Variants in GIPC2 observed in about 807,000 individuals in gnomAD.
GIPC2 encodes GIPC PDZ domain containing family member 2.
A neutral mutation model predicts 30.6 loss-of-function variants in GIPC2; 30 were observed. That is an observed-to-expected ratio of 0.98 (90% CI 0.73 to 1.33). The LOEUF is 1.33. Ranked by LOEUF, GIPC2 falls within the 40% of genes most tolerant of loss-of-function variation. The pLI is 0.00. For synonymous variants in GIPC2, 167 were observed against 150.0 expected (o/e 1.11, Z -0.83); for missense variants, 414 against 390.3 (o/e 1.06, Z -0.51).
intron 3 of GIPC2, among the ~76,000 whole-genome samples, chr1:78,113,835 A>G (rs1482490083): frequency 6.7e-6 from 1 of 150,130 alleles, no homozygotes; most frequent in Non-Finnish European, 1.5e-5. Context: ...ATTTTTTCTA[A>G]TCTCCTAGAG....
At chr1:78,045,249 G>T (rs1052099492), upstream of GIPC2, among the ~76,000 whole-genome samples, 4 of 152,174 alleles carry the variant, frequency 2.6e-5, no homozygotes, top group Non-Finnish European at 4.4e-5. Flanking sequence ...AGGAAATTTC[G>T]TAGCTAATAA....
intron 5 of GIPC2, among the ~76,000 whole-genome samples, chr1:78,129,100 C>G (rs1413263035): frequency 6.6e-6 from 1 of 151,600 alleles, no homozygotes; most frequent in Non-Finnish European, 1.5e-5. Context: ...CTTACAAATT[C>G]TTTGTAAATT....
chr1:78,080,661 ATTTTT>A lies in GIPC2; in HGVS notation c.241-13_241-9del. The A allele has an allele frequency of 6.6e-7, 1 of 1,523,322 alleles. No individual in the cohort carries two copies. The highest frequency in any genetic ancestry group is 9.0e-7 in the Non-Finnish European group (1 of 1,112,508). The allele number at this position is 1,523,322 out of a possible 1,614,324, so 94.4% of individuals were successfully genotyped here. Reference sequence around the variant, plus strand: ...CAAGTGGAAATGGACCTGACATTTTATTTTTCTTTGCAGATCTTATATTGCACTTT... The same window carrying A: ...CAAGTGGAAATGGACCTGACATTTTACTTTGCAGATCTTATATTGCACTTT... On this transcript the variant is annotated splice_polypyrimidine_tract_variant and intron_variant, in intron 1 of 5. Coordinates refer to ENST00000370759, the MANE Select transcript of GIPC2 (RefSeq NM_017655.6).
At chr1:78,110,256 T>G (rs1662442525) in intron 3 of GIPC2, among the ~76,000 whole-genome samples, 1 of 151,920 alleles carries the variant, frequency 6.6e-6, no homozygotes, top group Admixed American at 6.6e-5. Flanking sequence ...CCTTGAGAGA[T>G]ATCTGAAAAT....
upstream of GIPC2, chr1:78,045,093 A>C: frequency 1.0e-6 from 1 of 982,516 alleles, no homozygotes; most frequent in Non-Finnish European, 1.2e-6. Context: ...AACGCAGACC[A>C]AGTAAGATAA....
chr1:78,051,448 A>G (rs1278946148), intron 1 of GIPC2, among the ~76,000 whole-genome samples: 1 of 152,184 alleles, frequency 6.6e-6, no homozygotes, highest in Non-Finnish European at 1.5e-5. Flanking sequence ...CTCTCCCCAT[A>G]CATAAAGCAG....
chr1:78,100,942 ACACAC>A (rs1557542867), intron 3 of GIPC2, among the ~76,000 whole-genome samples: 36 of 99,008 alleles, frequency 3.6e-4, no homozygotes, highest in African/African-American at 1.1e-3. Context: ...AAAAAAAAAT[ACACAC>A]ACACACACAC....
At chr1:78,100,841 A>T (rs1662231854) in intron 3 of GIPC2, among the ~76,000 whole-genome samples, 1 of 151,520 alleles carries the variant, frequency 6.6e-6, no homozygotes, top group African/African-American at 2.4e-5. Context: ...GAGGCAGGAG[A>T]ATCACTTGAA....
At chr1:78,132,778 T>A (rs184644277) in intron 5 of GIPC2, among the ~76,000 whole-genome samples, 4 of 152,040 alleles carry the variant, frequency 2.6e-5, no homozygotes, top group Non-Finnish European at 4.4e-5. Context: ...AAGAGTGTCA[T>A]CTATACTGTT....
intron 1 of GIPC2, among the ~76,000 whole-genome samples, chr1:78,053,829 C>T (rs564515547): frequency 6.7e-6 from 1 of 148,182 alleles, no homozygotes; most frequent in African/African-American, 2.5e-5. Context: ...ATTCAGGAGG[C>T]TGAGGTGGGA....
chr1:78,115,357 A>G (rs897744931), intron 3 of GIPC2, among the ~76,000 whole-genome samples: 5 of 152,186 alleles, frequency 3.3e-5, no homozygotes, highest in Admixed American at 3.3e-4. Context: ...TTCACCCTGC[A>G]GGAAATTTAT....
upstream of GIPC2, chr1:78,045,956 C>T: frequency 7.3e-7 from 1 of 1,372,110 alleles, no homozygotes. Flanking sequence ...GGCCCTGACC[C>T]GACGCAGCCA....
intron 3 of GIPC2, among the ~76,000 whole-genome samples, chr1:78,107,229 G>A (rs1241150571): frequency 4.0e-5 from 6 of 151,510 alleles, no homozygotes; most frequent in African/African-American, 1.2e-4. Flanking sequence ...TGCAGTCACA[G>A]TTCACTGCAG....
In GIPC2 at chr1:78,046,784, GA is replaced by G. The variant is rs1208329652; in HGVS notation, c.240+460del. On this transcript the variant is annotated intron_variant, in intron 1 of 5. Transcript: ENST00000370759. ...AGGTCATCTCCCTAGATTAACGGGG[GA>G]AAAAAAAAATAGAAGTGCCTTGCAG... Among the ~76,000 whole-genome samples, 202 of 149,970 alleles carry G rather than the reference GA, an allele frequency of 1.3e-3. 1 individual carries two copies. Among genetic ancestry groups the G allele is most frequent in the Admixed American group, 8.4e-3 (126 of 15,068 alleles).
chr1:78,129,968 C>CT (rs61026507), intron 5 of GIPC2, among the ~76,000 whole-genome samples: 31 of 146,654 alleles, frequency 2.1e-4, no homozygotes, highest in South Asian at 6.4e-4. Flanking sequence ...AAAATCTTTT[C>CT]TTTTTTTTTT....
chr1:78,134,050 T>C (rs951679737), intron 5 of GIPC2, among the ~76,000 whole-genome samples: 1 of 152,146 alleles, frequency 6.6e-6, no homozygotes, highest in South Asian at 2.1e-4. Flanking sequence ...GTCTTAGTCT[T>C]TCTAATGGAG....
intron 5 of GIPC2, among the ~76,000 whole-genome samples, chr1:78,126,372 T>A (rs1306194592): frequency 1.3e-5 from 2 of 152,162 alleles, no homozygotes; most frequent in African/African-American, 2.4e-5. Context: ...ATTAGAAATA[T>A]GAAGAAAGGG....
At position 78,046,065 on chromosome 1, in the gene GIPC2, C is replaced by T. The variant is rs1307219221; in HGVS notation, c.-30C>T. 14 of 1,408,392 alleles carry T rather than the reference C, an allele frequency of 9.9e-6. 1 individual carries two copies. The South Asian group carries it at 2.1e-4, about 21-fold the overall frequency. 87.2% of individuals were successfully genotyped at this position (1,408,392 alleles called of 1,614,324 possible). ...GGGGAGGAGGCGGCGGACGGCAGCG[C>T]AGGTGGGCCCGCGCTCTCGGCCCTG... On this transcript the variant is annotated 5_prime_UTR_variant, in exon 1 of 6. Coordinates refer to ENST00000370759, the MANE Select transcript of GIPC2 (RefSeq NM_017655.6).
At chr1:78,067,348 A>G (rs2100317239) in intron 1 of GIPC2, among the ~76,000 whole-genome samples, 1 of 152,332 alleles carries the variant, frequency 6.6e-6, no homozygotes, top group East Asian at 1.9e-4. Context: ...ATAGCATGTT[A>G]GGTGTCCAGA....
Sources: allele counts gnomAD v4.1 joint callset (sites outside exome capture counted in the v4.1 genomes callset), GRCh38; gene constraint gnomAD v4.1.1; transcripts MANE v1.5; gene names NCBI Gene and HGNC (gene_info 2026-07-23, HGNC 2026-07-21).